PRR11: variants seen among roughly 807,000 people sequenced by gnomAD.
PRR11 encodes proline-rich protein 11.
A neutral mutation model predicts 45.6 loss-of-function variants in PRR11; 30 were observed. That is an observed-to-expected ratio of 0.66 (90% CI 0.49 to 0.89). PRR11 has a LOEUF of 0.89. PRR11 is among the 40% of genes least tolerant of loss of function. The probability of loss-of-function intolerance (pLI) is 0.00; values close to 1 mark genes in which losing one functional copy is unlikely to be tolerated. For synonymous variants in PRR11, 128 were observed against 153.5 expected, an observed-to-expected ratio of 0.83 and a Z score of 1.23; for missense variants, 373 against 424.8, an observed-to-expected ratio of 0.88 and a Z score of 1.07.
rs2687067 is a variant in PRR11, at chr17:59,206,184, C to T, written c.*4553C>T. ...GAGTTCAAAACAAGCCTGGGCAACA[C>T]TGCAAGACCCCAACTCTACAAAAAA... On this transcript the variant is annotated 3_prime_UTR_variant, in exon 10 of 10. Coordinates refer to ENST00000262293, the MANE Select transcript of PRR11 (RefSeq NM_018304.4). Among the ~76,000 whole-genome samples, 3 of 152,038 alleles carry T rather than the reference C, an allele frequency of 2.0e-5. No individual in the cohort carries two copies. Among genetic ancestry groups the T allele is most frequent in the Admixed American group, 1.3e-4 (2 of 15,234 alleles).
rs1452049353 is a variant in PRR11, at chr17:59,155,765, C to A, written c.-46C>A. On this transcript the variant is annotated 5_prime_UTR_variant, in exon 1 of 10. Coordinates refer to ENST00000262293, the MANE Select transcript of PRR11 (RefSeq NM_018304.4). ...ATTTTTCTTTATGGCGTGGGAGAGG[C>A]CACAGCCCGGACTCCATCGACTCCC... 1 of 161,652 alleles carries A rather than the reference C, an allele frequency of 6.2e-6. No homozygotes were observed. Among genetic ancestry groups the A allele is most frequent in the Non-Finnish European group, 1.4e-5 (1 of 72,546 alleles). 10.0% of individuals were successfully genotyped at this position (161,652 alleles called of 1,614,324 possible). A position where few individuals can be genotyped will look rare whatever the true frequency, so the allele number is the denominator to read the frequency against.
chr17:59,194,267 T>TGACA (rs2046854057), intron 5 of PRR11, among the ~76,000 whole-genome samples: 1 of 141,066 alleles, frequency 7.1e-6, no homozygotes, highest in African/African-American at 2.6e-5. Context: ...TTCCCAATCC[T>TGACA]CACACACACA....
chr17:59,173,052 T>C (rs1264145290), intron 2 of PRR11, among the ~76,000 whole-genome samples: 8 of 152,254 alleles, frequency 5.3e-5, no homozygotes, highest in Non-Finnish European at 1.0e-4. Flanking sequence ...ATCGGCACTC[T>C]GTATCTAGCT....
At chr17:59,175,802 G>A (rs545068203) in intron 2 of PRR11, among the ~76,000 whole-genome samples, 11 of 152,266 alleles carry the variant, frequency 7.2e-5, no homozygotes, top group Non-Finnish European at 1.0e-4. Context: ...AAGCTAATCC[G>A]GAGGCTGAGG....
chr17:59,178,971 T>C (rs2147844456), intron 2 of PRR11, among the ~76,000 whole-genome samples: 1 of 152,206 alleles, frequency 6.6e-6, no homozygotes, highest in African/African-American at 2.4e-5. Context: ...TGAAGCCGCT[T>C]TCTTTGATTT....
Position 59,204,859 on chromosome 17 carries a change from A to G in PRR11, c.*3228A>G, listed in dbSNP as rs1031821181. Among the ~76,000 whole-genome samples the G allele has an allele frequency of 3.3e-5, 5 of 151,886 alleles. No individual in the cohort carries two copies. The South Asian group carries it at 6.2e-4, about 19-fold the overall frequency. On this transcript the variant is annotated 3_prime_UTR_variant, in exon 10 of 10. Transcript: ENST00000262293. ...GCCTGGGCAACATTGCAAGACCCCA[A>G]CTCTACAAAAAACGAAAAATTAGCC...
intron 7 of PRR11, among the ~76,000 whole-genome samples, chr17:59,196,087 C>CAAAAAAA (rs57940331): frequency 1.4e-5 from 1 of 71,362 alleles, no homozygotes; most frequent in Non-Finnish European, 2.8e-5. Flanking sequence ...GACTCCATCT[C>CAAAAAAA]AAAAAAAAAA....
chr17:59,186,381 ATTTTTTTTTTTTTTTTTTTTTTTT>A (rs59082405), intron 4 of PRR11, among the ~76,000 whole-genome samples: 1 of 84,610 alleles, frequency 1.2e-5, no homozygotes, highest in Admixed American at 1.6e-4. Context: ...GCTGTTTGTA[ATTTTTTTTTTTTTTTTTTTTTTTT>A]TTTTTTTTTA....
At chr17:59,156,918 C>A (rs1050990639) in intron 1 of PRR11, among the ~76,000 whole-genome samples, 2 of 152,178 alleles carry the variant, frequency 1.3e-5, no homozygotes, top group African/African-American at 4.8e-5. Flanking sequence ...TGAGCCACCA[C>A]GCTCGGCCGC....
intron 5 of PRR11, 87 bp downstream of exon 5, chr17:59,193,821 AGG>A: frequency 7.0e-7 from 1 of 1,434,778 alleles, no homozygotes; most frequent in Non-Finnish European, 9.6e-7. Context: ...TTTTAAGGCC[AGG>A]CTAATCAGGG....
chr17:59,198,066 A>T (rs1648616425), intron 9 of PRR11, among the ~76,000 whole-genome samples: 1 of 152,154 alleles, frequency 6.6e-6, no homozygotes. Context: ...GTGAGCTGTG[A>T]TTGCACCACT....
Position 59,169,737 on chromosome 17 carries a change from T to A in PRR11, c.-5-11T>A, listed in dbSNP as rs557149964. 14 of 1,569,622 alleles carry A rather than the reference T, an allele frequency of 8.9e-6. No individual in the cohort carries two copies. In the Admixed American group the frequency reaches 1.9e-4, roughly 21 times the overall value. On this transcript the variant is annotated splice_polypyrimidine_tract_variant and intron_variant, in intron 1 of 9. Transcript: ENST00000262293. ...TTCTTCAATTAAAAATGTAAAAAAA[T>A]TTCTCTGCAGAAATCATGCCCAAGT...
Position 59,171,859 on chromosome 17 carries a change from C to T in PRR11, c.128+1979C>T, listed in dbSNP as rs528099235. ...AAGTATCATAGATAAAAAGTGTACT[C>T]GCTTCAGGGGCACATATAATAATAC... On this transcript the variant is annotated intron_variant, in intron 2 of 9. Coordinates refer to ENST00000262293, the MANE Select transcript of PRR11 (RefSeq NM_018304.4). 6.6e-5 allele frequency among the ~76,000 whole-genome samples: 10 copies of T among 151,964 alleles called. No homozygotes were observed. In the East Asian group the frequency reaches 9.7e-4, roughly 15 times the overall value.
At position 59,203,863 on chromosome 17, in the gene PRR11, A is replaced by G. The variant is rs1400646668; in HGVS notation, c.*2232A>G. ...AAAAAAAAAAAAAAATTAAATGGGT[A>G]GTGACGTTAAGAGATATATATCAGC... On this transcript the variant is annotated 3_prime_UTR_variant, in exon 10 of 10. Coordinates refer to ENST00000262293, the MANE Select transcript of PRR11 (RefSeq NM_018304.4). 1 of 151,040 alleles carries G rather than the reference A, an allele frequency of 6.6e-6. No homozygotes were observed. The highest frequency in any genetic ancestry group is 1.5e-5 in the Non-Finnish European group (1 of 67,838). The allele number at this position is 151,040 out of a possible 1,614,324, so 9.4% of individuals were successfully genotyped here.
In PRR11 at chr17:59,204,394, T is replaced by TAA. The variant is rs2046907830; in HGVS notation, c.*2763_*2764insAA. ...CTGGGCAACAGAGCCAGACCCTGCC[T>TAA]CAAAAAAAAAAAAAAAAAAAAAAAA... On this transcript the variant is annotated 3_prime_UTR_variant, in exon 10 of 10. Transcript: ENST00000262293. The TAA allele has an allele frequency of 2.7e-5, 1 of 37,306 alleles. No homozygotes were observed. Among genetic ancestry groups the TAA allele is most frequent in the African/African-American group, 1.4e-4 (1 of 7,234 alleles). 2.3% of individuals were successfully genotyped at this position (37,306 alleles called of 1,614,324 possible).
intron 7 of PRR11, among the ~76,000 whole-genome samples, chr17:59,197,096 C>T (rs2046869830): frequency 6.6e-6 from 1 of 152,086 alleles, no homozygotes; most frequent in South Asian, 2.1e-4. Context: ...ATCCATCTGC[C>T]TCGGCCTCCT....
intron 2 of PRR11, among the ~76,000 whole-genome samples, chr17:59,171,962 T>C (rs1174748718): frequency 6.6e-6 from 1 of 152,088 alleles, no homozygotes; most frequent in Non-Finnish European, 1.5e-5. Flanking sequence ...TATATATATA[T>C]ACATAACAGC....
chr17:59,179,822 TCC>T (rs2046771044), intron 2 of PRR11: 2 of 1,349,836 alleles, frequency 1.5e-6, no homozygotes, highest in Admixed American at 1.7e-5. Flanking sequence ...GTCCGACCAC[TCC>T]CTCTTCCTTT....
chr17:59,197,404 A>G, intron 7 of PRR11, 140 bp from the exon 8 acceptor site: 2 of 748,288 alleles, frequency 2.7e-6, no homozygotes, highest in Non-Finnish European at 4.4e-6. Flanking sequence ...GGCGCCCACC[A>G]CCACACCTGG....
Sources: gnomAD v4.1 joint callset for allele counts (sites outside exome capture counted in the v4.1 genomes callset) on GRCh38, gnomAD v4.1.1 for gene constraint, MANE v1.5 for transcripts, NCBI Gene and HGNC (gene_info 2026-07-23, HGNC 2026-07-21) for gene names.